Variants in BIK observed in about 807,000 individuals in gnomAD.
BIK encodes the protein bcl-2-interacting killer.
A neutral mutation model predicts 12.1 loss-of-function variants in BIK; 14 were observed. The ratio of observed to expected loss-of-function variants is 1.16; its 90% confidence interval spans 0.77 to 1.81. BIK has a LOEUF of 1.81. Ranked by LOEUF, BIK falls within the 40% of genes most tolerant of loss-of-function variation. The probability of loss-of-function intolerance (pLI) is 0.00; values close to 1 mark genes in which losing one functional copy is unlikely to be tolerated. For missense variants in BIK, 215 were observed against 207.9 expected (o/e 1.03, Z -0.21); for synonymous variants, 86 against 92.3 (o/e 0.93, Z 0.39).
At chr22:43,116,141 T>G (rs1930108739) in intron 1 of BIK, among the ~76,000 whole-genome samples, 1 of 152,186 alleles carries the variant, frequency 6.6e-6, no homozygotes, top group African/African-American at 2.4e-5. Context: ...TCCTTCATGG[T>G]GATAAAAAGG....
chr22:43,118,742 G>A (rs1054881432), intron 1 of BIK, among the ~76,000 whole-genome samples: 3 of 152,068 alleles, frequency 2.0e-5, no homozygotes, highest in Non-Finnish European at 2.9e-5. Flanking sequence ...GTCAGATCCC[G>A]CCTGCTTGGC....
intron 1 of BIK, among the ~76,000 whole-genome samples, chr22:43,116,415 C>T (rs551780108): frequency 3.9e-5 from 6 of 152,042 alleles, no homozygotes; most frequent in Admixed American, 1.3e-4. Context: ...TGCTGGGAGC[C>T]TCCAAAAGGC....
intron 1 of BIK, among the ~76,000 whole-genome samples, chr22:43,118,098 G>GCCTCTC (rs1930153362): frequency 6.6e-6 from 1 of 152,218 alleles, no homozygotes; most frequent in Non-Finnish European, 1.5e-5. Context: ...CCGAAGGGCT[G>GCCTCTC]TGATGACAGC....
At position 43,129,206 on chromosome 22, in the gene BIK, C is replaced by T. The variant is rs1236329848; in HGVS notation, c.391-7C>T. On this transcript the variant is annotated splice_polypyrimidine_tract_variant and splice_region_variant and intron_variant, in intron 4 of 4. Transcript: ENST00000216115. ...CCGAGCCTGACTCCTCTGCTTTGCT[C>T]CCACAGGTGTCCTGCGAACAGGTGC... is the stretch of plus-strand genomic sequence containing the variant. 1 of 1,604,160 alleles carries T rather than the reference C, an allele frequency of 6.2e-7. No individual in the cohort carries two copies. The highest frequency in any genetic ancestry group is 2.2e-5 in the East Asian group (1 of 44,854).
intron 1 of BIK, among the ~76,000 whole-genome samples, chr22:43,122,026 C>T (rs187877222): frequency 2.6e-5 from 4 of 152,370 alleles, no homozygotes; most frequent in African/African-American, 9.6e-5. Flanking sequence ...CCACCGCACC[C>T]GGCCCATCCA....
At chr22:43,126,224 C>T (rs1481698851) in intron 2 of BIK, among the ~76,000 whole-genome samples, 2 of 147,070 alleles carry the variant, frequency 1.4e-5, no homozygotes, top group East Asian at 2.0e-4. Context: ...CTCGCTGTGT[C>T]GCCCAGGCTG....
At chr22:43,124,676 G>A (rs4988419) in intron 2 of BIK, among the ~76,000 whole-genome samples, 4 of 152,214 alleles carry the variant, frequency 2.6e-5, no homozygotes, top group Admixed American at 2.6e-4. Flanking sequence ...CGGATCACTT[G>A]AGGTCAGGAG....
rs11574526 is a variant in BIK, at chr22:43,129,002, C to T, written c.391-211C>T. Among the ~76,000 whole-genome samples, 665 of 152,328 alleles carry T rather than the reference C, an allele frequency of 4.4e-3. 6 individuals carry two copies. The highest frequency in any genetic ancestry group is 0.015 in the African/African-American group (632 of 41,582). On this transcript the variant is annotated intron_variant, in intron 4 of 4. Transcript: ENST00000216115. ...CCACCGGGTGTCTTTGCCTGTGTCC[C>T]GCAGACTGGCAGGCCCAGGCCACGC... is the stretch of plus-strand genomic sequence containing the variant.
chr22:43,121,038 G>A (rs1930209147), intron 1 of BIK, among the ~76,000 whole-genome samples: 1 of 152,190 alleles, frequency 6.6e-6, no homozygotes. Flanking sequence ...AGCCGGGTGT[G>A]GTGGCATGTG....
chr22:43,128,886 G>C (rs1292973175), intron 4 of BIK, among the ~76,000 whole-genome samples: 2 of 152,198 alleles, frequency 1.3e-5, no homozygotes, highest in African/African-American at 2.4e-5. Flanking sequence ...CAGGGCAGGG[G>C]CCTCCCTGAG....
intron 4 of BIK, among the ~76,000 whole-genome samples, chr22:43,128,940 G>A (rs980644386): frequency 1.3e-5 from 2 of 152,200 alleles, no homozygotes; most frequent in African/African-American, 2.4e-5. Flanking sequence ...ACTCGGCACC[G>A]CCCACCACAA....
At chr22:43,126,703 T>C (rs540014681) in intron 2 of BIK, among the ~76,000 whole-genome samples, 78 of 152,262 alleles carry the variant, frequency 5.1e-4, no homozygotes, top group African/African-American at 1.8e-3. Context: ...CTCAGGATTT[T>C]TTTTTTCAGC....
intron 1 of BIK, among the ~76,000 whole-genome samples, chr22:43,118,090 G>A (rs561701519): frequency 3.3e-4 from 50 of 152,216 alleles, no homozygotes; most frequent in African/African-American, 1.2e-3. Flanking sequence ...TCGGCCTCCC[G>A]AAGGGCTGTG....
intron 2 of BIK, 97 bp downstream of exon 2, chr22:43,124,280 T>A: frequency 7.0e-7 from 1 of 1,420,906 alleles, no homozygotes; most frequent in Non-Finnish European, 9.6e-7. Flanking sequence ...CGCCTGCAGA[T>A]GCCTCCCAGG....
chr22:43,126,789 A>G (rs1207099357), intron 2 of BIK, among the ~76,000 whole-genome samples: 1 of 152,106 alleles, frequency 6.6e-6, no homozygotes, highest in East Asian at 1.9e-4. Flanking sequence ...GAGGACATGA[A>G]GCCTGGGGCA....
In BIK at chr22:43,110,768, G is replaced by A. The variant is rs1929993231; in HGVS notation, c.-43G>A. The A allele has an allele frequency of 2.6e-5, 4 of 152,304 alleles. No individual in the cohort carries two copies. Among genetic ancestry groups the A allele is most frequent in the Admixed American group, 2.0e-4 (3 of 15,302 alleles). 9.4% of individuals were successfully genotyped at this position (152,304 alleles called of 1,614,324 possible). On this transcript the variant is annotated 5_prime_UTR_variant, in exon 1 of 5. It adds an upstream start codon to the 5' untranslated region. Coordinates refer to ENST00000216115, the MANE Select transcript of BIK (RefSeq NM_001197.5). Reference sequence around the variant, plus strand: ...GGGCCGCAGACACGAAGCCTCCCGGGTGGCTTACAGACGCTGCCAGCATCG... The same window carrying A: ...GGGCCGCAGACACGAAGCCTCCCGGATGGCTTACAGACGCTGCCAGCATCG...
intron 1 of BIK, 52 bp downstream of exon 1, chr22:43,110,855 G>C (rs1247320041): frequency 1.3e-5 from 2 of 152,218 alleles, no homozygotes; most frequent in Non-Finnish European, 2.9e-5. Context: ...GCTCGAGCCC[G>C]GCGGTTAGCG....
chr22:43,113,050 A>G (rs994733547), intron 1 of BIK, among the ~76,000 whole-genome samples: 1 of 152,098 alleles, frequency 6.6e-6, no homozygotes, highest in Non-Finnish European at 1.5e-5. Context: ...TTAAAAATGC[A>G]AAAATTAGCC....
At chr22:43,123,993 CAT>C (rs1569466786) in intron 1 of BIK, 21 bp from the exon 2 acceptor site, 2 of 1,612,904 alleles carry the variant, frequency 1.2e-6, no homozygotes, top group Non-Finnish European at 1.7e-6. Context: ...GGGGTCCAGT[CAT>C]ATGCTGTCTT....
Sources: gnomAD v4.1 joint callset for allele counts (sites outside exome capture counted in the v4.1 genomes callset) on GRCh38, gnomAD v4.1.1 for gene constraint, MANE v1.5 for transcripts, NCBI Gene and HGNC (gene_info 2026-07-23, HGNC 2026-07-21) for gene names.